The following FSTL5 variants were observed in gnomAD, a reference collection of about 807,000 sequenced individuals.
The protein encoded by FSTL5 is follistatin-related protein 5.
Under a neutral mutation model 89.1 loss-of-function variants are expected in FSTL5, and 62 were observed. The observed-to-expected ratio is 0.70, with a 90% CI of 0.57 to 0.86. The LOEUF (loss-of-function observed/expected upper bound fraction) is 0.86. FSTL5 is among the 40% of genes least tolerant of loss of function. The pLI is 0.00. For synonymous variants in FSTL5, 383 were observed against 346.2 expected, an observed-to-expected ratio of 1.11 and a Z score of -1.18; for missense variants, 1,057 against 1,001.6, an observed-to-expected ratio of 1.06 and a Z score of -0.75.
At chr4:161,754,796 G>A (rs1000167712) in intron 6 of FSTL5, among the ~76,000 whole-genome samples, 26 of 152,228 alleles carry the variant, frequency 1.7e-4, no homozygotes, top group Non-Finnish European at 3.5e-4. Flanking sequence ...TATCTTGTCT[G>A]ATGGCAAATC....
chr4:161,433,947 G>T (rs1217925490), intron 15 of FSTL5, among the ~76,000 whole-genome samples: 2 of 152,006 alleles, frequency 1.3e-5, no homozygotes, highest in Non-Finnish European at 2.9e-5. Context: ...TGGATTGAGA[G>T]AATCAATAAT....
intron 6 of FSTL5, among the ~76,000 whole-genome samples, chr4:161,734,632 C>T (rs999502336): frequency 5.3e-5 from 8 of 152,134 alleles, no homozygotes; most frequent in Non-Finnish European, 1.5e-5. Context: ...TAGCTAAATT[C>T]CTTTTGATTC....
At chr4:161,487,368 C>T (rs1161993421) in intron 12 of FSTL5, among the ~76,000 whole-genome samples, 4 of 152,122 alleles carry the variant, frequency 2.6e-5, no homozygotes, top group African/African-American at 9.7e-5. Context: ...AAAATGTGGT[C>T]TGTAAACTGC....
At chr4:161,884,231 A>C (rs1328946745) in intron 4 of FSTL5, among the ~76,000 whole-genome samples, 2 of 151,864 alleles carry the variant, frequency 1.3e-5, no homozygotes, top group Non-Finnish European at 2.9e-5. Flanking sequence ...TTGTATTTTT[A>C]GTAGAGATAT....
chr4:161,390,305 C>G (rs1359999199), intron 15 of FSTL5, among the ~76,000 whole-genome samples: 4 of 152,164 alleles, frequency 2.6e-5, no homozygotes, highest in Middle Eastern at 3.4e-3. Context: ...ACTTTAGGAC[C>G]TGGATATCAA....
At chr4:161,995,010 A>C (rs557161933) in intron 3 of FSTL5, among the ~76,000 whole-genome samples, 1 of 152,042 alleles carries the variant, frequency 6.6e-6, no homozygotes, top group African/African-American at 2.4e-5. Flanking sequence ...GGGTTTTTAC[A>C]GTTTTAGGTT....
chr4:162,060,679 C>G (rs2111280837), intron 2 of FSTL5, among the ~76,000 whole-genome samples: 1 of 151,634 alleles, frequency 6.6e-6, no homozygotes, highest in South Asian at 2.1e-4. Context: ...TTTTCAGAAA[C>G]TTTTATTATT....
chr4:161,582,518 A>C lies in FSTL5; in HGVS notation c.1015+4937T>G, dbSNP rs149307320. Among the ~76,000 whole-genome samples the C allele has an allele frequency of 7.1e-3, 1,085 of 152,316 alleles. 13 individuals are homozygous for C. The highest frequency in any genetic ancestry group is 0.025 in the African/African-American group (1,040 of 41,556). The stretch of plus-strand genomic sequence containing the variant: ...GTTTGTTATACTTCTTGACATAAAA[A>C]ACATGCGTTTAAAGTTCTTATGCCA... On this transcript the variant is annotated intron_variant, in intron 8 of 15. Coordinates refer to ENST00000306100, the MANE Select transcript of FSTL5 (RefSeq NM_020116.5).
intron 2 of FSTL5, among the ~76,000 whole-genome samples, chr4:162,061,381 CATGTGCA>C (rs1476446420): frequency 6.6e-6 from 1 of 152,138 alleles, no homozygotes; most frequent in Non-Finnish European, 1.5e-5. Context: ...ATACAAGTGG[CATGTGCA>C]ATGACTCATT....
intron 6 of FSTL5, among the ~76,000 whole-genome samples, chr4:161,693,564 A>G (rs1016519259): frequency 2.0e-5 from 3 of 151,826 alleles, no homozygotes; most frequent in African/African-American, 7.3e-5. Context: ...GTGTGTTTCT[A>G]GAAATTTGTC....
At chr4:161,461,843 C>T (rs1373505604) in intron 13 of FSTL5, among the ~76,000 whole-genome samples, 1 of 151,820 alleles carries the variant, frequency 6.6e-6, no homozygotes, top group Non-Finnish European at 1.5e-5. Flanking sequence ...AATGTAATAG[C>T]CTATTTTGCA....
intron 4 of FSTL5, among the ~76,000 whole-genome samples, chr4:161,778,850 A>T (rs1419894310): frequency 6.6e-6 from 1 of 152,244 alleles, no homozygotes; most frequent in Admixed American, 6.5e-5. Flanking sequence ...ATCTGAGTGC[A>T]CAGGTGTGCA....
intron 8 of FSTL5, among the ~76,000 whole-genome samples, chr4:161,555,562 G>A (rs1732358511): frequency 6.6e-6 from 1 of 151,630 alleles, no homozygotes; most frequent in East Asian, 2.0e-4. Flanking sequence ...TTGTGTAGCT[G>A]ATATGTTACA....
intron 15 of FSTL5, among the ~76,000 whole-genome samples, chr4:161,394,560 C>A (rs768673805): frequency 6.6e-6 from 1 of 152,160 alleles, no homozygotes; most frequent in Non-Finnish European, 1.5e-5. Context: ...CAGGCGTGAG[C>A]CACTGCACCT....
At chr4:161,405,775 A>G (rs1731355663) in intron 15 of FSTL5, among the ~76,000 whole-genome samples, 1 of 152,194 alleles carries the variant, frequency 6.6e-6, no homozygotes, top group African/African-American at 2.4e-5. Context: ...CAAAGAGAGA[A>G]TCACCAAAGC....
At chr4:161,881,578 T>C (rs1225662925) in intron 4 of FSTL5, among the ~76,000 whole-genome samples, 1 of 152,100 alleles carries the variant, frequency 6.6e-6, no homozygotes, top group East Asian at 1.9e-4. Context: ...TTTTGCTGAT[T>C]GTTATTTTTC....
intron 3 of FSTL5, among the ~76,000 whole-genome samples, chr4:161,986,118 T>C (rs1735956646): frequency 6.6e-6 from 1 of 152,086 alleles, no homozygotes; most frequent in African/African-American, 2.4e-5. Flanking sequence ...TAAATCACAG[T>C]GTCATATCTG....
In FSTL5 at chr4:162,107,325, A is replaced by C. The variant is rs1420433541; in HGVS notation, c.126+3946T>G. Among the ~76,000 whole-genome samples, 12 of 152,302 alleles carry C rather than the reference A, an allele frequency of 7.9e-5. No individual in the cohort carries two copies. In the South Asian group the frequency reaches 2.5e-3, roughly 32 times the overall value. On this transcript the variant is annotated intron_variant, in intron 2 of 15. Coordinates refer to ENST00000306100, the MANE Select transcript of FSTL5 (RefSeq NM_020116.5). ...AATCACTTATGCCATGAGAATATTC[A>C]TATAATAAAGTAACCTAATGTATGG...
intron 2 of FSTL5, among the ~76,000 whole-genome samples, chr4:162,076,771 G>C (rs933453603): frequency 6.6e-6 from 1 of 151,766 alleles, no homozygotes; most frequent in Non-Finnish European, 1.5e-5. Context: ...GCCCAAACAG[G>C]TTCTATAACG....
Sources: allele counts gnomAD v4.1 joint callset (sites outside exome capture counted in the v4.1 genomes callset), GRCh38; gene constraint gnomAD v4.1.1; transcripts MANE v1.5; gene names NCBI Gene and HGNC (gene_info 2026-07-23, HGNC 2026-07-21).